SYNJ2: variants seen among roughly 807,000 people sequenced by gnomAD.
The protein encoded by SYNJ2 is polyphosphatidylinositol phosphatase SYNJ2.
A neutral mutation model predicts 141.3 loss-of-function variants in SYNJ2; 116 were observed. The ratio of observed to expected loss-of-function variants is 0.82; its 90% confidence interval spans 0.71 to 0.96. SYNJ2 has a LOEUF of 0.96. Among genes scored for constraint, SYNJ2 ranks in the 40% least tolerant of loss-of-function variants. The probability of loss-of-function intolerance (pLI) is 0.00; values close to 1 mark genes in which losing one functional copy is unlikely to be tolerated. For synonymous variants in SYNJ2, 745 were observed against 777.7 expected (o/e 0.96, Z 0.70); for missense variants, 1,873 against 1,934.8 (o/e 0.97, Z 0.60).
chr6:158,055,712 G>T (rs1425148356), intron 6 of SYNJ2, among the ~76,000 whole-genome samples: 1 of 152,176 alleles, frequency 6.6e-6, no homozygotes, highest in Non-Finnish European at 1.5e-5. Context: ...ATTCTCGAAA[G>T]TAATGTGTTA....
In SYNJ2 at chr6:158,059,261, A is replaced by G. The variant is rs1229315719; in HGVS notation, c.862A>G (p.Met288Val). 1.4e-5 allele frequency: 21 copies of G among 1,548,998 alleles called. No homozygotes were observed. Among genetic ancestry groups the G allele is most frequent in the Middle Eastern group, 1.8e-4 (1 of 5,638 alleles). Reference sequence around the variant, plus strand: ...CCCACCCCGCTGCCTTTGCAGGCACATGGTGCTTCTGAAGGAGCAGTACGG... The same window carrying G: ...CCCACCCCGCTGCCTTTGCAGGCACGTGGTGCTTCTGAAGGAGCAGTACGG... The part of the protein sequence containing the change: ...EANAPAFDRH[M>V]VLLKEQYGQQ... The change falls in exon 7 of 27, where the codon ATG becomes GTG. Residue 288 changes from methionine (M) to valine (V), a missense_variant. Physicochemically the swap from Met to Val is conservative, Grantham distance 21. Coordinates refer to ENST00000355585, the MANE Select transcript of SYNJ2 (RefSeq NM_003898.4).
intron 1 of SYNJ2, chr6:158,001,287 G>C (rs1015751524): frequency 2.6e-5 from 4 of 151,976 alleles, no homozygotes; most frequent in Non-Finnish European, 5.9e-5. Flanking sequence ...TGGCCTCCAG[G>C]ATGACTATTT....
rs552100817 is a variant in SYNJ2 at position 158,045,010 on chromosome 6, G to C, written c.795+1611G>C. Among the ~76,000 whole-genome samples the C allele has an allele frequency of 4.0e-3, 609 of 152,110 alleles. 4 individuals carry two copies. Among genetic ancestry groups the C allele is most frequent in the Middle Eastern group, 0.01 (3 of 294 alleles). On this transcript the variant is annotated intron_variant, in intron 5 of 26. Coordinates refer to ENST00000355585, the MANE Select transcript of SYNJ2 (RefSeq NM_003898.4). The stretch of plus-strand genomic sequence containing the variant: ...AGTTTGTAAGAAATCCAAAAATTAG[G>C]GGAATGGTCATGATGGATTCTTAGA...
At position 158,084,035 on chromosome 6, in the gene SYNJ2, G is replaced by A; in HGVS notation, c.3069G>A (p.Val1023=). ...TTGAAGACGATGAAGACTACTTGGT[G>A]GATGAATTCAATCAGCCTGGAGTCT... The part of the protein sequence containing the change: ...DILEDDEDYL[V]DEFNQPGVSD... The change falls in exon 22 of 27, where the codon GTG becomes GTA. Residue 1023 remains valine, a synonymous_variant. Coordinates refer to ENST00000355585, the MANE Select transcript of SYNJ2 (RefSeq NM_003898.4). This position sits in a 1 kb window ranked among gnomAD's most constrained non-coding sequence, Gnocchi z 5.0. The A allele has an allele frequency of 6.2e-7, 1 of 1,614,146 alleles. No individual in the cohort carries two copies. The highest frequency in any genetic ancestry group is 8.5e-7 in the Non-Finnish European group (1 of 1,180,028).
intron 1 of SYNJ2, among the ~76,000 whole-genome samples, chr6:158,006,023 T>TGGCTGCATTGGTCCTGACCTCTCTCTC (rs1205595585): frequency 6.6e-6 from 1 of 152,156 alleles, no homozygotes; most frequent in African/African-American, 2.4e-5. Flanking sequence ...ACCTCTCTCT[T>TGGCTGCATTGGTCCTGACCTCTCTCTC]GGCTGCATTG....
At chr6:158,046,405 G>A (rs1292364895) in intron 5 of SYNJ2, among the ~76,000 whole-genome samples, 2 of 152,204 alleles carry the variant, frequency 1.3e-5, no homozygotes, top group Non-Finnish European at 1.5e-5. Context: ...GGAGGGCAGC[G>A]GGAAGTGGTG....
chr6:158,040,620 C>A lies in SYNJ2; in HGVS notation c.712-2696C>A, dbSNP rs1458469487. On this transcript the variant is annotated intron_variant, in intron 4 of 26. Coordinates refer to ENST00000355585, the MANE Select transcript of SYNJ2 (RefSeq NM_003898.4). The surrounding 1 kb of genome is among the most constrained non-coding windows in gnomAD (Gnocchi z 4.2). ...CAGGGAGGTTAGGATGACTGCGTGTCCTCCCAGGAATGCAGACTTGGAGAT... is the reference window on the plus strand; with the variant it reads ...CAGGGAGGTTAGGATGACTGCGTGTACTCCCAGGAATGCAGACTTGGAGAT... 6.6e-6 allele frequency among the ~76,000 whole-genome samples: 1 copy of A among 152,122 alleles called. No homozygotes were observed. Among genetic ancestry groups the A allele is most frequent in the Admixed American group, 6.5e-5 (1 of 15,274 alleles).
At chr6:157,981,740 G>A (rs1583268381), upstream of SYNJ2, 2 of 326,484 alleles carry the variant, frequency 6.1e-6, no homozygotes, top group East Asian at 1.0e-4. This position sits in a 1 kb window ranked among gnomAD's most constrained non-coding sequence, Gnocchi z 6.4. Context: ...GGGAGCGCGG[G>A]GCCGGGCGGG....
chr6:158,072,608 C>T (rs768543812), intron 15 of SYNJ2, among the ~76,000 whole-genome samples: 3 of 152,038 alleles, frequency 2.0e-5, no homozygotes, highest in Non-Finnish European at 4.4e-5. Flanking sequence ...CTGGGCTGCA[C>T]GAGCACTCAA....
chr6:158,061,774 G>C (rs149654828), intron 7 of SYNJ2, among the ~76,000 whole-genome samples: 1 of 152,150 alleles, frequency 6.6e-6, no homozygotes, highest in African/African-American at 2.4e-5. Flanking sequence ...CTGCCCTTTC[G>C]CAGGCAAGAC....
At chr6:158,056,927 G>T (rs1183062180) in intron 6 of SYNJ2, among the ~76,000 whole-genome samples, 1 of 151,978 alleles carries the variant, frequency 6.6e-6, no homozygotes, top group African/African-American at 2.4e-5. Context: ...GCTGTTTGCA[G>T]CAGGACTTTG....
At position 158,077,814 on chromosome 6, in the gene SYNJ2, G is replaced by A. The variant is rs992720073; in HGVS notation, c.2450-350G>A. Reference sequence around the variant, plus strand: ...GAGAGGTGGGGCCTAGAATGAGTCCGAGTGTTCTCAGCTCCTGCAGCTCTT... The same window carrying A: ...GAGAGGTGGGGCCTAGAATGAGTCCAAGTGTTCTCAGCTCCTGCAGCTCTT... On this transcript the variant is annotated intron_variant, in intron 17 of 26. Coordinates refer to ENST00000355585, the MANE Select transcript of SYNJ2 (RefSeq NM_003898.4). 4 of 170,510 alleles carry A rather than the reference G, an allele frequency of 2.3e-5. No homozygotes were observed. In the South Asian group the frequency reaches 4.5e-4, roughly 19 times the overall value. The allele number at this position is 170,510 out of a possible 1,614,324, so 10.6% of individuals were successfully genotyped here.
At position 158,064,815 on chromosome 6, in the gene SYNJ2, G is replaced by A; in HGVS notation, c.1360-11G>A. 1.9e-6 allele frequency: 3 copies of A among 1,609,044 alleles called. No individual in the cohort carries two copies. Among genetic ancestry groups the A allele is most frequent in the Non-Finnish European group, 2.6e-6 (3 of 1,176,394 alleles). On this transcript the variant is annotated splice_polypyrimidine_tract_variant and intron_variant, in intron 10 of 26. Transcript: ENST00000355585. ...ACCCCCCTCACGGCCTGCGGTCTGG[G>A]CTCTCGGCAGGTGGGGAAGCTGAAG...
rs1447571866 is a variant in SYNJ2, at chr6:158,043,943, G to A, written c.795+544G>A. 6.6e-6 allele frequency among the ~76,000 whole-genome samples: 1 copy of A among 152,172 alleles called. No homozygotes were observed. The highest frequency in any genetic ancestry group is 1.5e-5 in the Non-Finnish European group (1 of 68,034). On this transcript the variant is annotated intron_variant, in intron 5 of 26. Coordinates refer to ENST00000355585, the MANE Select transcript of SYNJ2 (RefSeq NM_003898.4). The surrounding 1 kb of genome is among the most constrained non-coding windows in gnomAD (Gnocchi z 4.0). The stretch of plus-strand genomic sequence containing the variant: ...AGAGAGATTTGGCATTCTTTCTCCT[G>A]GGAAGAGCACAGGGTGGGGACACAT...
rs1782875988 is a variant in SYNJ2, at chr6:158,084,023, A to G, written c.3057A>G (p.Glu1019=). 6.2e-7 allele frequency: 1 copy of G among 1,614,132 alleles called. No individual in the cohort carries two copies. Among genetic ancestry groups the G allele is most frequent in the Non-Finnish European group, 8.5e-7 (1 of 1,180,010 alleles). The part of the protein sequence containing the change: ...ESEGDILEDD[E]DYLVDEFNQP... ...CAGGGGATATTCTTGAAGACGATGAAGACTACTTGGTGGATGAATTCAATC... is the reference window on the plus strand; with the variant it reads ...CAGGGGATATTCTTGAAGACGATGAGGACTACTTGGTGGATGAATTCAATC... The change falls in exon 22 of 27, where the codon GAA becomes GAG. Residue 1019 remains glutamate (E), a synonymous_variant. Transcript: ENST00000355585. This position sits in a 1 kb window ranked among gnomAD's most constrained non-coding sequence, Gnocchi z 5.0.
rs979452721 is a variant in SYNJ2, at chr6:158,047,194, G to A, written c.795+3795G>A. 4.6e-5 allele frequency among the ~76,000 whole-genome samples: 7 copies of A among 152,236 alleles called. No individual in the cohort carries two copies. In the South Asian group the frequency reaches 8.3e-4, roughly 18 times the overall value. On this transcript the variant is annotated intron_variant, in intron 5 of 26. Coordinates refer to ENST00000355585, the MANE Select transcript of SYNJ2 (RefSeq NM_003898.4). ...GGGCAAGAGTCGAATTGGTGCCCAC[G>A]ATGCATGCCGTGGGTCTTGTGTGCG...
chr6:158,063,977 C>A, intron 9 of SYNJ2, 105 bp downstream of exon 9: 1 of 1,164,170 alleles, frequency 8.6e-7, no homozygotes, highest in Non-Finnish European at 1.3e-6. Context: ...GGTGGCATCA[C>A]CAAGACAACC....
chr6:158,069,598 T>C lies in SYNJ2; in HGVS notation c.1865T>C (p.Ile622Thr). The change falls in exon 14 of 27, where the codon ATT becomes ACT. Residue 622 changes from isoleucine (I) to threonine (T), a missense_variant. Transcript: ENST00000355585. Reference sequence around the variant, plus strand: ...GCCATCTCACGCTCTCATAGATACATTCTGTTGACTTCGGCACAGCTGGTG... The same window carrying C: ...GCCATCTCACGCTCTCATAGATACACTCTGTTGACTTCGGCACAGCTGGTG... ...QKAISRSHRY[I>T]LLTSAQLVGV... 6.2e-7 allele frequency: 1 copy of C among 1,614,140 alleles called. No homozygotes were observed. The highest frequency in any genetic ancestry group is 2.2e-5 in the East Asian group (1 of 44,886).
At chr6:158,037,464 C>G (rs1355567950) in intron 4 of SYNJ2, among the ~76,000 whole-genome samples, 2 of 146,590 alleles carry the variant, frequency 1.4e-5, no homozygotes, top group African/African-American at 5.1e-5. Context: ...TTCAGTGGCA[C>G]AATCTCGGCT....
Sources: allele counts gnomAD v4.1 joint callset (sites outside exome capture counted in the v4.1 genomes callset), GRCh38; gene constraint gnomAD v4.1.1; non-coding constraint Gnocchi (gnomAD v3.1); transcripts MANE v1.5; gene names NCBI Gene and HGNC (gene_info 2026-07-23, HGNC 2026-07-21).